Variants in PDE10A observed in about 807,000 individuals in gnomAD.
PDE10A encodes the protein cAMP and cAMP-inhibited cGMP 3',5'-cyclic phosphodiesterase 10A.
In PDE10A, 39 loss-of-function variants were observed where a neutral mutation model predicts 97.7. That is an observed-to-expected ratio of 0.40 (90% CI 0.31 to 0.52). The LOEUF is 0.52. Among genes scored for constraint, PDE10A ranks in the 20% least tolerant of loss-of-function variants. The pLI is 0.56. For synonymous variants in PDE10A, 371 were observed against 376.8 expected, an observed-to-expected ratio of 0.98 and a Z score of 0.18; for missense variants, 731 against 1,047.8, an observed-to-expected ratio of 0.70 and a Z score of 4.17.
At chr6:165,354,809 T>C (rs1782920539) in intron 18 of PDE10A, among the ~76,000 whole-genome samples, 1 of 152,204 alleles carries the variant, frequency 6.6e-6, no homozygotes, top group South Asian at 2.1e-4. Context: ...CCAATAGCCA[T>C]GAAGGCATTT....
At position 165,661,939 on chromosome 6, in the gene PDE10A, C is replaced by T. The variant is rs1258047154; in HGVS notation, c.865+8G>A. 2 of 948,690 alleles carry T rather than the reference C, an allele frequency of 2.1e-6. No homozygotes were observed. The highest frequency in any genetic ancestry group is 3.3e-6 in the Non-Finnish European group (2 of 603,394). 58.8% of individuals were successfully genotyped at this position (948,690 alleles called of 1,614,324 possible). A position where few individuals can be genotyped will look rare whatever the true frequency, so the allele number is the denominator to read the frequency against. ...CCACCTCCGGGGAACGGGGAGCAGG[C>T]CACTTACTGGGGCTCAGGAAGCACT... On this transcript the variant is annotated splice_region_variant and intron_variant, in intron 1 of 21. Coordinates refer to ENST00000539869, the MANE Select transcript of PDE10A (RefSeq NM_001385079.1). This position sits in a 1 kb window ranked among gnomAD's most constrained non-coding sequence, Gnocchi z 4.8.
At chr6:165,654,189 T>C (rs1440137146) in intron 1 of PDE10A, among the ~76,000 whole-genome samples, 1 of 152,244 alleles carries the variant, frequency 6.6e-6, no homozygotes, top group Non-Finnish European at 1.5e-5. Flanking sequence ...ACACCGGTAC[T>C]GCATGTCTTC....
intron 1 of PDE10A, among the ~76,000 whole-genome samples, chr6:165,789,717 T>C (rs1465042431): frequency 6.6e-6 from 1 of 152,252 alleles, no homozygotes; most frequent in African/African-American, 2.4e-5. Context: ...GAGTTTGCCT[T>C]TGCTTTCAGT....
chr6:165,396,566 A>G, intron 13 of PDE10A, 107 bp from the exon 14 acceptor site: 2 of 1,070,694 alleles, frequency 1.9e-6, no homozygotes, highest in Admixed American at 2.5e-5. Flanking sequence ...CTAGAATTAA[A>G]ACCAAAGTGG....
intron 18 of PDE10A, among the ~76,000 whole-genome samples, chr6:165,345,527 C>T (rs1342384075): frequency 6.6e-6 from 1 of 152,140 alleles, no homozygotes; most frequent in Admixed American, 6.5e-5. Context: ...GTAGAACTGA[C>T]TGCTAACTGA....
At chr6:165,691,618 C>T (rs1791304108) in intron 1 of PDE10A, among the ~76,000 whole-genome samples, 1 of 151,888 alleles carries the variant, frequency 6.6e-6, no homozygotes, top group African/African-American at 2.4e-5. Context: ...CACACACACA[C>T]ACACACAGCA....
intron 1 of PDE10A, among the ~76,000 whole-genome samples, chr6:165,760,387 A>C (rs1174549919): frequency 1.3e-5 from 2 of 152,188 alleles, no homozygotes; most frequent in Admixed American, 1.3e-4. Context: ...GAGGCCACTT[A>C]ATTTTCTTTC....
chr6:165,728,521 C>T (rs1216831143), intron 1 of PDE10A, among the ~76,000 whole-genome samples: 2 of 152,128 alleles, frequency 1.3e-5, no homozygotes, highest in Admixed American at 1.3e-4. Context: ...TCCAACTTCC[C>T]AATTATCACC....
At chr6:165,612,086 C>T (rs180983163) in intron 1 of PDE10A, among the ~76,000 whole-genome samples, 56 of 152,262 alleles carry the variant, frequency 3.7e-4, no homozygotes, top group Non-Finnish European at 5.0e-4. Context: ...TCATTATTAA[C>T]GACAAGTATC....
chr6:165,985,864 G>T (rs1265397054), intron 1 of PDE10A, among the ~76,000 whole-genome samples: 1 of 115,722 alleles, frequency 8.6e-6, no homozygotes, highest in African/African-American at 3.3e-5. Flanking sequence ...TCCCCACACA[G>T]CTTCAAGTCC....
At chr6:165,441,399 T>G (rs980733921) in intron 5 of PDE10A, among the ~76,000 whole-genome samples, 3 of 152,234 alleles carry the variant, frequency 2.0e-5, no homozygotes, top group Non-Finnish European at 2.9e-5. Context: ...AGCACAGTTT[T>G]TTGGTACTTA....
intron 1 of PDE10A, among the ~76,000 whole-genome samples, chr6:165,783,766 T>C (rs1778408912): frequency 6.6e-6 from 1 of 152,204 alleles, no homozygotes. Flanking sequence ...AGCCCATCTA[T>C]GTCAACACCA....
At chr6:165,906,083 TCCCTC>T (rs1562792245) in intron 1 of PDE10A, among the ~76,000 whole-genome samples, 13 of 42,090 alleles carry the variant, frequency 3.1e-4, no homozygotes, top group East Asian at 7.6e-4. Flanking sequence ...CCTTCCTCCC[TCCCTC>T]CCTTCCTTTC....
At position 165,973,171 on chromosome 6, in the gene PDE10A, C is replaced by G. The variant is rs373680805; in HGVS notation, c.-615+14358G>C. ...CAGTGGTTCATGCCTGTAATCCCAG[C>G]ATTTTAGGAGGCCGAGGCTGGCAGA... is the stretch of plus-strand genomic sequence containing the variant. On this transcript the variant is annotated intron_variant, in intron 1 of 19. Coordinates refer to the PDE10A transcript ENST00000366882. Among the ~76,000 whole-genome samples the G allele has an allele frequency of 7.2e-5, 11 of 152,302 alleles. No individual in the cohort carries two copies. The East Asian group carries it at 1.3e-3, about 19-fold the overall frequency.
chr6:165,747,326 A>G (rs1034640169), intron 1 of PDE10A, among the ~76,000 whole-genome samples: 3 of 152,242 alleles, frequency 2.0e-5, no homozygotes, highest in Non-Finnish European at 1.5e-5. Flanking sequence ...CAGGCTACAC[A>G]CAGAGATTAG....
intron 3 of PDE10A, among the ~76,000 whole-genome samples, chr6:165,477,105 G>A (rs1180052930): frequency 3.3e-5 from 5 of 152,068 alleles, no homozygotes; most frequent in Admixed American, 6.6e-5. Context: ...CCCCCCCAGC[G>A]GCATCATCTC....
chr6:165,746,664 G>C (rs1792851730), intron 1 of PDE10A, among the ~76,000 whole-genome samples: 1 of 152,162 alleles, frequency 6.6e-6, no homozygotes, highest in Non-Finnish European at 1.5e-5. Flanking sequence ...AAGAGCAGAG[G>C]GCCTCAGAGT....
intron 1 of PDE10A, among the ~76,000 whole-genome samples, chr6:165,549,697 G>A (rs1032479681): frequency 3.9e-5 from 6 of 152,122 alleles, no homozygotes; most frequent in African/African-American, 9.6e-5. Flanking sequence ...TGCAAATTAG[G>A]TTCATTTCTG....
intron 13 of PDE10A, among the ~76,000 whole-genome samples, chr6:165,401,905 C>T (rs1041495751): frequency 6.6e-6 from 1 of 152,162 alleles, no homozygotes; most frequent in Admixed American, 6.5e-5. Flanking sequence ...CACTTGCTTT[C>T]CACTTTAGAG....
Sources: allele counts gnomAD v4.1 joint callset (sites outside exome capture counted in the v4.1 genomes callset), GRCh38; gene constraint gnomAD v4.1.1; non-coding constraint Gnocchi (gnomAD v3.1); transcripts MANE v1.5; gene names NCBI Gene and HGNC (gene_info 2026-07-23, HGNC 2026-07-21).